The following CCDC136 variants were observed in gnomAD, a reference collection of about 807,000 sequenced individuals.
CCDC136 encodes coiled-coil domain-containing protein 136.
A neutral mutation model predicts 141.2 loss-of-function variants in CCDC136; 100 were observed. The ratio of observed to expected loss-of-function variants is 0.71; its 90% CI spans 0.60 to 0.84. The LOEUF (loss-of-function observed/expected upper bound fraction) is 0.84, where lower values mean the gene tolerates loss of function less well. CCDC136 is among the 40% of genes least tolerant of loss of function. The probability of loss-of-function intolerance (pLI) is 0.00; values close to 1 mark genes in which losing one functional copy is unlikely to be tolerated. For synonymous variants in CCDC136, 474 were observed against 531.9 expected (o/e 0.89, Z 1.50); for missense variants, 1,206 against 1,379.4 (o/e 0.87, Z 1.99).
At chr7:128,806,602 A>T in intron 8 of CCDC136, 86 bp from the exon 9 acceptor site, 1 of 1,315,316 alleles carries the variant, frequency 7.6e-7, no homozygotes, top group Non-Finnish European at 1.0e-6. Flanking sequence ...CAAATCTTAG[A>T]CTGTTGGTGT....
intron 17 of CCDC136, among the ~76,000 whole-genome samples, chr7:128,819,280 C>T (rs1322014205): frequency 6.6e-6 from 1 of 152,206 alleles, no homozygotes; most frequent in African/African-American, 2.4e-5. Flanking sequence ...CTCCAGGAGG[C>T]CCCAACATGC....
Position 128,794,268 on chromosome 7 carries a change from A to G in CCDC136, c.17-80A>G. ...ACTAGTATGTCATCTCTGCCCTGGC[A>G]TAGTGAGTTTGAGGGCCCTGGAAGG... is the stretch of plus-strand genomic sequence containing the variant. On this transcript the variant is annotated intron_variant, in intron 1 of 17. Transcript: ENST00000297788. The surrounding 1 kb of genome is among the most constrained non-coding windows in gnomAD (Gnocchi z 4.3). 3 of 1,546,058 alleles carry G rather than the reference A, an allele frequency of 1.9e-6. No homozygotes were observed. Among genetic ancestry groups the G allele is most frequent in the Non-Finnish European group, 2.6e-6 (3 of 1,143,088 alleles).
At chr7:128,796,009 TCTGTTGC>T (rs1802890073) in intron 3 of CCDC136, among the ~76,000 whole-genome samples, 1 of 152,188 alleles carries the variant, frequency 6.6e-6, no homozygotes, top group African/African-American at 2.4e-5. Context: ...AGAGTCTTAC[TCTGTTGC>T]CCAGGCTGGA....
chr7:128,795,007 G>A (rs1020417096), intron 3 of CCDC136, among the ~76,000 whole-genome samples: 1 of 151,522 alleles, frequency 6.6e-6, no homozygotes, highest in Non-Finnish European at 1.5e-5. Flanking sequence ...CCATTTCTTG[G>A]CCTCCCTGTC....
rs778294973 is a variant in CCDC136, at chr7:128,814,652, G to A, written c.2778G>A (p.Gln926=). The A allele has an allele frequency of 4.2e-5, 67 of 1,586,044 alleles. No homozygotes were observed. The highest frequency in any genetic ancestry group is 5.2e-5 in the Non-Finnish European group (61 of 1,165,220). ...QNDKNEIKEL[Q]TKLRELQLQY... is the part of the protein sequence containing the mutation. ...ACTACCAACAGATCAAAGAACTGCA[G>A]ACCAAGCTGCGGGAGCTGCAGCTGC... Residue 926 remains glutamine (Q), a synonymous_variant, in exon 15 of 18, where the codon CAG becomes CAA. Coordinates refer to ENST00000297788, the MANE Select transcript of CCDC136 (RefSeq NM_022742.5).
chr7:128,806,335 G>C lies in CCDC136; in HGVS notation c.1188G>C (p.Gln396His), dbSNP rs772175411. The C allele has an allele frequency of 1.2e-6, 2 of 1,601,098 alleles. No individual in the cohort carries two copies. Among genetic ancestry groups the C allele is most frequent in the East Asian group, 2.2e-5 (1 of 44,486 alleles). ...NELLKMQLQL[Q>H]TELRQLKVMK... Reference sequence around the variant, plus strand: ...TCTTGAAGATGCAGCTGCAACTTCAGACTGAGCTCCGGCAGCTCAAAGTCA... The same window carrying C: ...TCTTGAAGATGCAGCTGCAACTTCACACTGAGCTCCGGCAGCTCAAAGTCA... The change falls in exon 8 of 18, where the codon CAG (glutamine) becomes CAC (histidine). Residue 396 changes from glutamine (Q) to histidine (H), a missense_variant. Physicochemically the swap from Gln to His is conservative, Grantham distance 24. Coordinates refer to ENST00000297788, the MANE Select transcript of CCDC136 (RefSeq NM_022742.5).
intron 17 of CCDC136, among the ~76,000 whole-genome samples, chr7:128,818,712 C>T (rs1350915506): frequency 1.3e-5 from 2 of 152,156 alleles, no homozygotes; most frequent in Non-Finnish European, 2.9e-5. Flanking sequence ...AGCTCCCACA[C>T]ATGTAATGTA....
chr7:128,797,996 C>G (rs1181369357), intron 3 of CCDC136, among the ~76,000 whole-genome samples: 1 of 150,926 alleles, frequency 6.6e-6, no homozygotes, highest in Non-Finnish European at 1.5e-5. Flanking sequence ...CGGCTCACTG[C>G]AAGCTCCGCC....
In CCDC136 at chr7:128,810,152, T is replaced by G. The variant is rs759444767; in HGVS notation, c.1814T>G (p.Leu605Arg). 116 of 1,590,646 alleles carry G rather than the reference T, an allele frequency of 7.3e-5. No individual in the cohort carries two copies. Among genetic ancestry groups the G allele is most frequent in the Non-Finnish European group, 9.7e-5 (113 of 1,168,414 alleles). ...SGLLLKSQEL[L>R]TKLEDLCELQ... is the part of the protein sequence containing the mutation. ...ACTCCGCCTCAGAGTCAGGAGCTAC[T>G]CACCAAGTTAGAAGACCTGTGTGAG... The change falls in exon 12 of 18, where the codon CTC becomes CGC. Residue 605 changes from leucine (L) to arginine (R), a missense_variant. Transcript: ENST00000297788.
Position 128,809,432 on chromosome 7 carries a change from A to AC in CCDC136, c.1606-15dup. 7.2e-6 allele frequency: 9 copies of AC among 1,253,174 alleles called. No homozygotes were observed. The highest frequency in any genetic ancestry group is 1.3e-5 in the South Asian group (1 of 78,008). The allele number at this position is 1,253,174 out of a possible 1,614,324, so 77.6% of individuals were successfully genotyped here. A position where few individuals can be genotyped will look rare whatever the true frequency, so the allele number is the denominator to read the frequency against. On this transcript the variant is annotated splice_polypyrimidine_tract_variant and intron_variant, in intron 10 of 17. Transcript: ENST00000297788. ...CTTACAGAGTAACCACCCCCTCCAC[A>AC]CCCGCCCCCACCCACAGTGTGACAC...
intron 10 of CCDC136, 82 bp from the exon 11 acceptor site, chr7:128,809,368 G>A: frequency 1.1e-6 from 1 of 903,016 alleles, no homozygotes; most frequent in Non-Finnish European, 1.7e-6. Context: ...AGAGGCAGGA[G>A]AGCGCAGAAG....
At position 128,817,991 on chromosome 7, in the gene CCDC136, C is replaced by T; in HGVS notation, c.*5+127C>T. The T allele has an allele frequency of 2.8e-6, 2 of 716,124 alleles. No individual in the cohort carries two copies. Among genetic ancestry groups the T allele is most frequent in the Non-Finnish European group, 2.4e-6 (1 of 408,666 alleles). The allele number at this position is 716,124 out of a possible 1,614,324, so 44.4% of individuals were successfully genotyped here. A position where few individuals can be genotyped will look rare whatever the true frequency, so the allele number is the denominator to read the frequency against. Reference sequence around the variant, plus strand: ...GTGCCATTTTATAATAGGTGATGCTCAGGTCTGAGTTTTAGTTCTGACTTT... The same window carrying T: ...GTGCCATTTTATAATAGGTGATGCTTAGGTCTGAGTTTTAGTTCTGACTTT... On this transcript the variant is annotated intron_variant, in intron 17 of 17. Transcript: ENST00000297788. The surrounding 1 kb of genome is among the most constrained non-coding windows in gnomAD (Gnocchi z 4.6).
In CCDC136 at chr7:128,805,617, C is replaced by T; in HGVS notation, c.948+93C>T. 2 of 1,526,032 alleles carry T rather than the reference C, an allele frequency of 1.3e-6. No individual in the cohort carries two copies. The highest frequency in any genetic ancestry group is 1.8e-6 in the Non-Finnish European group (2 of 1,120,318). The allele number at this position is 1,526,032 out of a possible 1,614,324, so 94.5% of individuals were successfully genotyped here. On this transcript the variant is annotated intron_variant, in intron 6 of 17. Coordinates refer to ENST00000297788, the MANE Select transcript of CCDC136 (RefSeq NM_022742.5). This position sits in a 1 kb window ranked among gnomAD's most constrained non-coding sequence, Gnocchi z 4.6. ...GTAGAAACATCTCCATAGGCATCCA[C>T]TGTGGAGGGAGATAGTACTCTGGGG...
Position 128,792,383 on chromosome 7 carries a change from A to G in CCDC136, c.-29A>G. On this transcript the variant is annotated 5_prime_UTR_variant, in exon 1 of 18. Transcript: ENST00000297788. ...GAGGGCTGTGAGAGGAAGAAGGGCC[A>G]ACGCTGGGGGTCCCTGGAACGACGG... is the stretch of plus-strand genomic sequence containing the variant. The G allele has an allele frequency of 6.3e-7, 1 of 1,596,204 alleles. No individual in the cohort carries two copies. Among genetic ancestry groups the G allele is most frequent in the Non-Finnish European group, 8.5e-7 (1 of 1,169,974 alleles).
intron 3 of CCDC136, among the ~76,000 whole-genome samples, chr7:128,795,353 C>T (rs1802782872): frequency 6.6e-6 from 1 of 152,094 alleles, no homozygotes; most frequent in Admixed American, 6.6e-5. Context: ...CCCCACATTC[C>T]ACCACACCAC....
intron 17 of CCDC136, among the ~76,000 whole-genome samples, chr7:128,820,118 C>T (rs892442084): frequency 6.6e-6 from 1 of 152,174 alleles, no homozygotes; most frequent in African/African-American, 2.4e-5. Context: ...GCCACCTTCA[C>T]ATCATCTACA....
At position 128,817,895 on chromosome 7, in the gene CCDC136, G is replaced by A. The variant is rs755582884; in HGVS notation, c.*5+31G>A. On this transcript the variant is annotated intron_variant, in intron 17 of 17. Coordinates refer to ENST00000297788, the MANE Select transcript of CCDC136 (RefSeq NM_022742.5). This position sits in a 1 kb window ranked among gnomAD's most constrained non-coding sequence, Gnocchi z 4.6. ...GGTATTGCTTCCTCTCCTTCTGAGG[G>A]ATAGAGGGAGGGTGCAGGTTGCCCT... is the stretch of plus-strand genomic sequence containing the variant. 13 of 1,542,950 alleles carry A rather than the reference G, an allele frequency of 8.4e-6. No individual in the cohort carries two copies. Among genetic ancestry groups the A allele is most frequent in the South Asian group, 5.6e-5 (5 of 89,398 alleles).
chr7:128,805,944 G>T lies in CCDC136; in HGVS notation c.1089+43G>T. 3 of 1,609,516 alleles carry T rather than the reference G, an allele frequency of 1.9e-6. No homozygotes were observed. The highest frequency in any genetic ancestry group is 2.5e-6 in the Non-Finnish European group (3 of 1,177,318). On this transcript the variant is annotated intron_variant, in intron 7 of 17. Coordinates refer to ENST00000297788, the MANE Select transcript of CCDC136 (RefSeq NM_022742.5). The surrounding 1 kb of genome is among the most constrained non-coding windows in gnomAD (Gnocchi z 4.6). ...AGGCATCTGGGGTGGGGGCAGAAGG[G>T]CCTCATGGAGGGGCTGCTTCAACCG... is the stretch of plus-strand genomic sequence containing the variant.
At position 128,805,614 on chromosome 7, in the gene CCDC136, C is replaced by T; in HGVS notation, c.948+90C>T. 1.3e-6 allele frequency: 2 copies of T among 1,509,296 alleles called. No individual in the cohort carries two copies. Among genetic ancestry groups the T allele is most frequent in the Non-Finnish European group, 1.8e-6 (2 of 1,105,344 alleles). The allele number at this position is 1,509,296 out of a possible 1,614,324, so 93.5% of individuals were successfully genotyped here. ...GTGGTAGAAACATCTCCATAGGCAT[C>T]CACTGTGGAGGGAGATAGTACTCTG... is the stretch of plus-strand genomic sequence containing the variant. On this transcript the variant is annotated intron_variant, in intron 6 of 17. Transcript: ENST00000297788. The surrounding 1 kb of genome is among the most constrained non-coding windows in gnomAD (Gnocchi z 4.6).
Sources: allele counts gnomAD v4.1 joint callset (sites outside exome capture counted in the v4.1 genomes callset), GRCh38; gene constraint gnomAD v4.1.1; non-coding constraint Gnocchi (gnomAD v3.1); transcripts MANE v1.5; gene names NCBI Gene and HGNC (gene_info 2026-07-23, HGNC 2026-07-21).